ITIH5: variants seen among roughly 807,000 people sequenced by gnomAD.
ITIH5 encodes inter-alpha-trypsin inhibitor heavy chain H5.
ITIH5 carries 65 observed loss-of-function variants against 77.5 expected under a neutral mutation model. The ratio of observed to expected loss-of-function variants is 0.84; its 90% CI spans 0.69 to 1.03. The LOEUF is 1.03. ITIH5 is among the 50% of genes least tolerant of loss of function. The pLI is 0.00. For missense variants in ITIH5, 1,208 were observed against 1,213.1 expected, an observed-to-expected ratio of 1.00 and a Z score of 0.06; for synonymous variants, 525 against 494.3, an observed-to-expected ratio of 1.06 and a Z score of -0.82.
chr10:7,637,164 G>A, intron 5 of ITIH5, 64 bp downstream of exon 5: 15 of 1,547,348 alleles, frequency 9.7e-6, no homozygotes, highest in Admixed American at 1.8e-5. Context: ...AGATTTCTCC[G>A]AAGCCAAGGA....
rs544966228 is a variant in ITIH5 at position 7,575,675 on chromosome 10, G to A, written c.1978+778C>T. On this transcript the variant is annotated intron_variant, in intron 10 of 13. Transcript: ENST00000397146. ...TCTCAGAGACTGACATGGAAAGACC[G>A]GATTCTTGCAAGAATCCGTACCTTG... Among the ~76,000 whole-genome samples the A allele has an allele frequency of 4.6e-5, 7 of 152,160 alleles. No individual in the cohort carries two copies. The South Asian group carries it at 8.3e-4, about 18-fold the overall frequency.
intron 6 of ITIH5, 64 bp from the exon 7 acceptor site, chr10:7,616,162 T>C: frequency 7.9e-6 from 7 of 890,628 alleles, no homozygotes; most frequent in Non-Finnish European, 1.3e-5. Flanking sequence ...ATACCTGAAG[T>C]GGGTAGTCTA....
Position 7,593,925 on chromosome 10 carries a change from G to A in ITIH5, c.940-7856C>T, listed in dbSNP as rs923841699. Reference sequence around the variant, plus strand: ...CTTGCCTTCCCACCTCCAATGGGCTGAGCAGCCAAGAGCTCTGCCTCCTGT... The same window carrying A: ...CTTGCCTTCCCACCTCCAATGGGCTAAGCAGCCAAGAGCTCTGCCTCCTGT... On this transcript the variant is annotated intron_variant, in intron 7 of 13. Transcript: ENST00000397146. 7.2e-5 allele frequency among the ~76,000 whole-genome samples: 11 copies of A among 152,382 alleles called. No homozygotes were observed. The East Asian group carries it at 2.1e-3, about 29-fold the overall frequency.
intron 1 of ITIH5, among the ~76,000 whole-genome samples, chr10:7,660,524 G>T (rs993733040): frequency 3.3e-5 from 5 of 152,210 alleles, no homozygotes; most frequent in Non-Finnish European, 5.9e-5. Context: ...CATCAGAGCT[G>T]TGGAGTGTGG....
intron 13 of ITIH5, among the ~76,000 whole-genome samples, chr10:7,565,785 CTATA>C (rs1443798609): frequency 1.4e-5 from 2 of 145,988 alleles, no homozygotes; most frequent in East Asian, 2.0e-4. Flanking sequence ...TACATACAGA[CTATA>C]TATAATACAT....
intron 2 of ITIH5, among the ~76,000 whole-genome samples, chr10:7,653,610 G>GA (rs1282405944): frequency 2.6e-5 from 4 of 152,166 alleles, no homozygotes; most frequent in Non-Finnish European, 5.9e-5. Flanking sequence ...TGTACAGGGT[G>GA]AAAAAATCTG....
chr10:7,605,826 T>A (rs1011121523), intron 7 of ITIH5, among the ~76,000 whole-genome samples: 1 of 152,188 alleles, frequency 6.6e-6, no homozygotes, highest in Non-Finnish European at 1.5e-5. Context: ...TGTAGCAAAG[T>A]TTCGTTTCAG....
chr10:7,615,945 C>T (rs752488031), intron 7 of ITIH5, 37 bp downstream of exon 7: 2 of 1,269,772 alleles, frequency 1.6e-6, no homozygotes, highest in Non-Finnish European at 2.3e-6. Context: ...CAGGCAAAAG[C>T]GAGAGAGGAA....
chr10:7,602,716 A>G (rs1175734096), intron 7 of ITIH5, among the ~76,000 whole-genome samples: 2 of 152,178 alleles, frequency 1.3e-5, no homozygotes, highest in Non-Finnish European at 1.5e-5. Context: ...GAACAAACTC[A>G]TATAATATTT....
At chr10:7,580,721 G>A (rs1427858143) in intron 8 of ITIH5, among the ~76,000 whole-genome samples, 2 of 152,122 alleles carry the variant, frequency 1.3e-5, no homozygotes, top group Non-Finnish European at 2.9e-5. Flanking sequence ...AGGGGAGGAG[G>A]GGCATGGAAC....
intron 8 of ITIH5, among the ~76,000 whole-genome samples, chr10:7,583,561 C>T (rs1216173719): frequency 6.6e-6 from 1 of 152,074 alleles, no homozygotes; most frequent in Non-Finnish European, 1.5e-5. Flanking sequence ...CTCGAGCTCC[C>T]GAGCTCAGGC....
rs767923980 is a variant in ITIH5 at position 7,605,945 on chromosome 10, C to T, written c.939+10037G>A. ...ACTAGGCTTTTCTGTGATTTCCTGGCGCCACACTTTCCGATGCTCACAGCA... is the reference window on the plus strand; with the variant it reads ...ACTAGGCTTTTCTGTGATTTCCTGGTGCCACACTTTCCGATGCTCACAGCA... On this transcript the variant is annotated intron_variant, in intron 7 of 13. Coordinates refer to ENST00000397146, the MANE Select transcript of ITIH5 (RefSeq NM_030569.7). Among the ~76,000 whole-genome samples, 13 of 152,282 alleles carry T rather than the reference C, an allele frequency of 8.5e-5. No individual in the cohort carries two copies. In the South Asian group the frequency reaches 1.7e-3, roughly 19 times the overall value.
intron 13 of ITIH5, among the ~76,000 whole-genome samples, 199 bp downstream of exon 13, chr10:7,565,831 T>TTATGTA (rs1231656140): frequency 6.7e-6 from 1 of 149,950 alleles, no homozygotes; most frequent in Non-Finnish European, 1.5e-5. Context: ...ATATAATACA[T>TTATGTA]TATGTATATG....
At position 7,559,617 on chromosome 10, in the gene ITIH5, T is replaced by C. The variant is rs1832002604; in HGVS notation, c.*3466A>G. On this transcript the variant is annotated 3_prime_UTR_variant, in exon 14 of 14. Coordinates refer to ENST00000397146, the MANE Select transcript of ITIH5 (RefSeq NM_030569.7). ...ACAGAAAAAGAATTAACGTTTTGAA[T>C]GATTTGGTGTCTTAGTCAGCTTGGG... is the stretch of plus-strand genomic sequence containing the variant. 3.8e-6 allele frequency: 1 copy of C among 262,908 alleles called. No homozygotes were observed. The highest frequency in any genetic ancestry group is 7.4e-6 in the Non-Finnish European group (1 of 135,056). The allele number at this position is 262,908 out of a possible 1,614,324, so 16.3% of individuals were successfully genotyped here.
intron 7 of ITIH5, among the ~76,000 whole-genome samples, chr10:7,591,425 T>G (rs528859869): frequency 6.6e-6 from 1 of 152,188 alleles, no homozygotes; most frequent in Non-Finnish European, 1.5e-5. Context: ...CCTTCAAAAC[T>G]CACTTGATAT....
rs1417976271 is a variant in ITIH5 at position 7,566,037 on chromosome 10, T to A, written c.2520A>T (p.Gly840=). 1 of 1,613,574 alleles carries A rather than the reference T, an allele frequency of 6.2e-7. No homozygotes were observed. Among genetic ancestry groups the A allele is most frequent in the Non-Finnish European group, 8.5e-7 (1 of 1,179,826 alleles). ...NSEGLSSNCH[G]LLGQFLNQDA... is the part of the protein sequence containing the mutation. Reference sequence around the variant, plus strand: ...GAGAGCGCAGCTTCCTACCCAGCAGTCCGTGGCAGTTGCTGGAAAGGCCCT... The same window carrying A: ...GAGAGCGCAGCTTCCTACCCAGCAGACCGTGGCAGTTGCTGGAAAGGCCCT... Residue 840 remains glycine (G), a synonymous_variant, in exon 13 of 14, where the codon GGA becomes GGT. Transcript: ENST00000397146.
At position 7,616,026 on chromosome 10, in the gene ITIH5, C is replaced by G. The variant is rs199952014; in HGVS notation, c.895G>C (p.Val299Leu). ...ACCATAGAAGCACTGCTGTCAAGCA[C>G]GAATACCACATTCTTGGGTAAAGGA... Reference protein sequence around the residue: ...LPPLPKNVVFVLDSSASMVGT... With the variant: ...LPPLPKNVVFLLDSSASMVGT... Residue 299 changes from valine to leucine, a missense_variant, in exon 7 of 14, where the codon GTG (valine) becomes CTG (leucine). Physicochemically the swap from Val to Leu is conservative, Grantham distance 32. Transcript: ENST00000397146. The G allele has an allele frequency of 6.2e-7, 1 of 1,613,432 alleles. No individual in the cohort carries two copies. Among genetic ancestry groups the G allele is most frequent in the African/African-American group, 1.3e-5 (1 of 74,886 alleles).
chr10:7,644,902 TATATATATCAC>T (rs781497127), intron 2 of ITIH5, among the ~76,000 whole-genome samples: 52,985 of 108,078 alleles, frequency 0.49, 14,107 homozygotes, highest in East Asian at 0.59. Context: ...ATATATCACA[TATATATATCAC>T]ATATATATAT....
chr10:7,566,507 T>C (rs925054892), intron 12 of ITIH5, 100 bp from the exon 13 acceptor site: 1 of 1,219,202 alleles, frequency 8.2e-7, no homozygotes, highest in Non-Finnish European at 1.1e-6. Flanking sequence ...GCAGGTGGAT[T>C]GCCTGAGTCC....
Sources: allele counts gnomAD v4.1 joint callset (sites outside exome capture counted in the v4.1 genomes callset), GRCh38; gene constraint gnomAD v4.1.1; transcripts MANE v1.5; gene names NCBI Gene and HGNC (gene_info 2026-07-23, HGNC 2026-07-21).